SDCCAG8: variants seen among roughly 807,000 people sequenced by gnomAD.
The protein encoded by SDCCAG8 is serologically defined colon cancer antigen 8.
Under a neutral mutation model 101.8 loss-of-function variants are expected in SDCCAG8, and 74 were observed. The observed-to-expected ratio is 0.73, with a 90% confidence interval of 0.60 to 0.88. SDCCAG8 has a LOEUF of 0.88. Among genes scored for constraint, SDCCAG8 ranks in the 40% least tolerant of loss-of-function variants. The pLI, the probability that SDCCAG8 is intolerant of heterozygous loss-of-function variation, is 0.00. For synonymous variants in SDCCAG8, 281 were observed against 292.9 expected, an observed-to-expected ratio of 0.96 and a Z score of 0.41; for missense variants, 787 against 822.6, an observed-to-expected ratio of 0.96 and a Z score of 0.53.
At chr1:243,340,928 A>G in intron 10 of SDCCAG8, 111 bp from the exon 11 acceptor site, 1 of 1,098,786 alleles carries the variant, frequency 9.1e-7, no homozygotes, top group South Asian at 1.3e-5. Flanking sequence ...TCCACAGAGA[A>G]ATGGCTCACA....
intron 16 of SDCCAG8, chr1:243,488,446 G>T: frequency 1.8e-5 from 3 of 162,400 alleles, no homozygotes; most frequent in South Asian, 1.7e-4. Flanking sequence ...GCTGTAGGAA[G>T]CCGACTGTGG....
At chr1:243,436,624 T>C (rs959087397) in intron 16 of SDCCAG8, among the ~76,000 whole-genome samples, 7 of 152,062 alleles carry the variant, frequency 4.6e-5, no homozygotes, top group Non-Finnish European at 7.3e-5. Context: ...AACAAAAGGC[T>C]AACAGAGTTT....
intron 16 of SDCCAG8, among the ~76,000 whole-genome samples, chr1:243,480,623 GT>G (rs148887971): frequency 0.07 from 1,568 of 22,416 alleles, 2 homozygotes; most frequent in Non-Finnish European, 0.1. Flanking sequence ...TGGATGGGTG[GT>G]ATGGATGGAT....
intron 13 of SDCCAG8, among the ~76,000 whole-genome samples, chr1:243,399,146 T>A (rs1205700998): frequency 3.3e-5 from 5 of 152,236 alleles, no homozygotes; most frequent in Admixed American, 6.5e-5. Flanking sequence ...GAAACTCTCA[T>A]CTAGCTCAAC....
chr1:243,337,432 T>C (rs1229354450), intron 10 of SDCCAG8, among the ~76,000 whole-genome samples: 1 of 152,232 alleles, frequency 6.6e-6, no homozygotes, highest in African/African-American at 2.4e-5. Flanking sequence ...CTCAAGATCC[T>C]GCTCTAAATA....
At chr1:243,386,768 T>TGAACAA (rs1553336963) in intron 13 of SDCCAG8, among the ~76,000 whole-genome samples, 1 of 143,374 alleles carries the variant, frequency 7.0e-6, no homozygotes, top group African/African-American at 2.5e-5. Flanking sequence ...AGAAAGAAAG[T>TGAACAA]GAGAGAGAGA....
At chr1:243,453,736 A>G (rs2083536216) in intron 16 of SDCCAG8, among the ~76,000 whole-genome samples, 2 of 152,248 alleles carry the variant, frequency 1.3e-5, no homozygotes, top group Admixed American at 6.5e-5. Context: ...CAGGTAATTC[A>G]GCCAGTAATC....
In SDCCAG8 at chr1:243,270,978, T is replaced by G. The variant is rs757663061; in HGVS notation, c.221T>G (p.Val74Gly). 1.2e-6 allele frequency: 2 copies of G among 1,611,166 alleles called. No homozygotes were observed. Among genetic ancestry groups the G allele is most frequent in the Admixed American group, 3.3e-5 (2 of 59,998 alleles). ...TAAACCCTCTGCTTTTGCTCTATAG[T>G]TAATCAGCTCAAAGATTTGTTGCGC... Reference protein sequence around the residue: ...AWPELQQSHAVNQLKDLLRQQ... With the variant: ...AWPELQQSHAGNQLKDLLRQQ... The change falls in exon 3 of 18, where the codon GTT (valine) becomes GGT (glycine). Residue 74 changes from valine (V) to glycine (G), a missense_variant and splice_region_variant. Transcript: ENST00000366541.
At chr1:243,313,218 C>T (rs1318664675) in intron 8 of SDCCAG8, among the ~76,000 whole-genome samples, 2 of 152,128 alleles carry the variant, frequency 1.3e-5, no homozygotes, top group Non-Finnish European at 2.9e-5. Context: ...TGTAGTCAGC[C>T]TTCTAGACTT....
chr1:243,262,859 T>C (rs773667650), intron 1 of SDCCAG8, among the ~76,000 whole-genome samples: 1 of 152,238 alleles, frequency 6.6e-6, no homozygotes, highest in Non-Finnish European at 1.5e-5. Context: ...ATCCTGATGA[T>C]GGCGGAACTT....
chr1:243,267,323 G>A, intron 1 of SDCCAG8: 2 of 231,752 alleles, frequency 8.6e-6, no homozygotes, highest in South Asian at 5.4e-5. Flanking sequence ...GTCACTGGGC[G>A]TGGTGGCTTA....
intron 6 of SDCCAG8, among the ~76,000 whole-genome samples, chr1:243,300,996 T>A (rs2071441568): frequency 6.6e-6 from 1 of 152,136 alleles, no homozygotes. Context: ...CATAAATGAA[T>A]AAAATATATG....
At chr1:243,461,811 C>T (rs1240565930) in intron 16 of SDCCAG8, among the ~76,000 whole-genome samples, 1 of 152,108 alleles carries the variant, frequency 6.6e-6, no homozygotes, top group Non-Finnish European at 1.5e-5. Context: ...TGGATGAATT[C>T]CTCTTCTCAA....
At position 243,485,482 on chromosome 1, in the gene SDCCAG8, A is replaced by C. The variant is rs191142437; in HGVS notation, c.1986-3532A>C. 5.4e-3 allele frequency among the ~76,000 whole-genome samples: 821 copies of C among 152,334 alleles called. 11 individuals are homozygous for C. The highest frequency in any genetic ancestry group is 0.019 in the African/African-American group (801 of 41,574). On this transcript the variant is annotated intron_variant, in intron 16 of 17. Transcript: ENST00000366541. ...CAGAGCAGTAACCACCATGGAAAAG[A>C]AAAGAGAGCTTATGTGTCTAGGACA... is the stretch of plus-strand genomic sequence containing the variant.
Position 243,297,849 on chromosome 1 carries a change from A to T in SDCCAG8, c.675+4630A>T, listed in dbSNP as rs111557921. ...GAATGCAAGCCCTTTGTCAGTATAC[A>T]TATTATAAATATATATTCCCACTCT... is the stretch of plus-strand genomic sequence containing the variant. On this transcript the variant is annotated intron_variant, in intron 6 of 17. Coordinates refer to ENST00000366541, the MANE Select transcript of SDCCAG8 (RefSeq NM_006642.5). Among the ~76,000 whole-genome samples, 49 of 152,330 alleles carry T rather than the reference A, an allele frequency of 3.2e-4. No homozygotes were observed. In the South Asian group the frequency reaches 6.8e-3, roughly 21 times the overall value.
intron 8 of SDCCAG8, among the ~76,000 whole-genome samples, chr1:243,310,329 A>G (rs1312888054): frequency 2.6e-5 from 4 of 152,170 alleles, no homozygotes; most frequent in Admixed American, 6.6e-5. Flanking sequence ...TTATATGTCA[A>G]CGACTGTGCT....
At chr1:243,374,733 A>C (rs1438768474) in intron 12 of SDCCAG8, among the ~76,000 whole-genome samples, 1 of 152,116 alleles carries the variant, frequency 6.6e-6, no homozygotes, top group African/African-American at 2.4e-5. Flanking sequence ...ATTGAGAAAC[A>C]TGATGACTTA....
At chr1:243,287,071 G>A (rs1163883369) in intron 5 of SDCCAG8, among the ~76,000 whole-genome samples, 1 of 152,194 alleles carries the variant, frequency 6.6e-6, no homozygotes, top group Non-Finnish European at 1.5e-5. Flanking sequence ...TCTAATGTCA[G>A]TGGCCCAGAG....
At chr1:243,459,968 C>A (rs1191127923) in intron 16 of SDCCAG8, among the ~76,000 whole-genome samples, 2 of 152,232 alleles carry the variant, frequency 1.3e-5, no homozygotes, top group Admixed American at 1.3e-4. Flanking sequence ...TAATTCCAAG[C>A]TGTTTAGGAA....
Sources: gnomAD v4.1 joint callset for allele counts (sites outside exome capture counted in the v4.1 genomes callset) on GRCh38, gnomAD v4.1.1 for gene constraint, MANE v1.5 for transcripts, NCBI Gene and HGNC (gene_info 2026-07-23, HGNC 2026-07-21) for gene names.